Variants in STK32A observed in about 807,000 individuals in gnomAD.
STK32A encodes the protein serine/threonine kinase 32A.
STK32A carries 41 observed loss-of-function variants against 53.2 expected under a neutral mutation model. That is an observed-to-expected ratio of 0.77 (90% CI 0.60 to 1.00). The LOEUF (loss-of-function observed/expected upper bound fraction) is 1.00. Among genes scored for constraint, STK32A ranks in the 50% least tolerant of loss-of-function variants. The pLI is 0.00. For synonymous variants in STK32A, 166 were observed against 162.8 expected, an observed-to-expected ratio of 1.02 and a Z score of -0.15; for missense variants, 458 against 485.8, an observed-to-expected ratio of 0.94 and a Z score of 0.54.
At chr5:147,301,846 TTCATTA>T (rs1178771338) in intron 4 of STK32A, among the ~76,000 whole-genome samples, 1 of 152,112 alleles carries the variant, frequency 6.6e-6, no homozygotes, top group Admixed American at 6.6e-5. Flanking sequence ...GAGAATCTGT[TTCATTA>T]TCTTTTCTAG....
intron 2 of STK32A, among the ~76,000 whole-genome samples, chr5:147,260,284 CTCTCTCGCCTG>C (rs1561675486): frequency 1.2e-4 from 13 of 107,184 alleles, no homozygotes; most frequent in African/African-American, 4.3e-4. Context: ...CTCTGTCTCT[CTCTCTCGCCTG>C]TCTCTCTCTC....
intron 5 of STK32A, among the ~76,000 whole-genome samples, chr5:147,336,453 A>C (rs1311605827): frequency 6.6e-6 from 1 of 152,016 alleles, no homozygotes; most frequent in African/African-American, 2.4e-5. Context: ...TGAAAGGATG[A>C]CTGTGCTGTT....
intron 6 of STK32A, among the ~76,000 whole-genome samples, chr5:147,344,779 C>T: frequency 6.6e-6 from 1 of 152,198 alleles, no homozygotes; most frequent in East Asian, 1.9e-4. Context: ...CAGCTGGGTG[C>T]CTTTGTGCAT....
chr5:147,292,391 G>C (rs1038048676), intron 4 of STK32A, among the ~76,000 whole-genome samples: 1 of 152,180 alleles, frequency 6.6e-6, no homozygotes, highest in Non-Finnish European at 1.5e-5. Flanking sequence ...TAAATAAAGA[G>C]TATTCACAAA....
chr5:147,255,947 T>C (rs1223596854), intron 2 of STK32A, among the ~76,000 whole-genome samples: 2 of 152,186 alleles, frequency 1.3e-5, no homozygotes, highest in Non-Finnish European at 2.9e-5. Context: ...GAAAGACCCA[T>C]AAGGGGCTTC....
rs538971750 is a variant in STK32A, at chr5:147,357,200, T to C, written c.563-4317T>C. Among the ~76,000 whole-genome samples the C allele has an allele frequency of 2.8e-4, 43 of 152,294 alleles. No homozygotes were observed. In the South Asian group the frequency reaches 6.6e-3, roughly 23 times the overall value. On this transcript the variant is annotated intron_variant, in intron 7 of 12. Coordinates refer to ENST00000397936, the MANE Select transcript of STK32A (RefSeq NM_001112724.2). ...AGAATTTCTGGTCAAAGCCTTTACA[T>C]GTTAATAGATTTCTGTTCTGAAAAT...
chr5:147,381,211 T>G (rs1757438877), intron 11 of STK32A, among the ~76,000 whole-genome samples: 1 of 152,186 alleles, frequency 6.6e-6, no homozygotes, highest in Non-Finnish European at 1.5e-5. Flanking sequence ...CTTTTAGCAC[T>G]TTGAATATAT....
chr5:147,293,579 T>A (rs868415373), intron 4 of STK32A, among the ~76,000 whole-genome samples: 1 of 150,752 alleles, frequency 6.6e-6, no homozygotes, highest in African/African-American at 2.4e-5. Flanking sequence ...TTACTCAAAA[T>A]ATTTTTACAG....
Position 147,385,484 on chromosome 5 carries a change from G to A in STK32A, c.*1501G>A, listed in dbSNP as rs1330159536. 1 of 152,174 alleles carries A rather than the reference G, an allele frequency of 6.6e-6. No individual in the cohort carries two copies. Among genetic ancestry groups the A allele is most frequent in the African/African-American group, 2.4e-5 (1 of 41,448 alleles). 9.4% of individuals were successfully genotyped at this position (152,174 alleles called of 1,614,324 possible). ...GTGGAATGCCCACACATCCAAGACA[G>A]GCAAGTTCATGGAGACTAAGGGAAC... is the stretch of plus-strand genomic sequence containing the variant. On this transcript the variant is annotated 3_prime_UTR_variant, in exon 13 of 13. Coordinates refer to ENST00000397936, the MANE Select transcript of STK32A (RefSeq NM_001112724.2).
At chr5:147,375,764 T>C (rs1466097102) in intron 11 of STK32A, 1 of 152,312 alleles carries the variant, frequency 6.6e-6, no homozygotes, top group African/African-American at 2.4e-5. Context: ...TCAGGCTGAG[T>C]TAAATTAACT....
At chr5:147,280,305 A>T (rs899981899) in intron 4 of STK32A, among the ~76,000 whole-genome samples, 22 of 151,876 alleles carry the variant, frequency 1.4e-4, no homozygotes, top group African/African-American at 5.1e-4. Context: ...GGGGCAGGGG[A>T]TAAACCAAGC....
intron 4 of STK32A, among the ~76,000 whole-genome samples, chr5:147,312,897 A>G (rs1457418793): frequency 1.3e-5 from 2 of 152,116 alleles, no homozygotes; most frequent in Admixed American, 6.5e-5. Flanking sequence ...CTATACATCT[A>G]TAATGACATT....
chr5:147,284,125 A>T (rs1365568276), intron 4 of STK32A, among the ~76,000 whole-genome samples: 1 of 152,166 alleles, frequency 6.6e-6, no homozygotes, highest in African/African-American at 2.4e-5. Flanking sequence ...AACATACACA[A>T]GTCAATAAAT....
chr5:147,252,153 A>C (rs1754028470), intron 2 of STK32A, among the ~76,000 whole-genome samples: 1 of 152,184 alleles, frequency 6.6e-6, no homozygotes, highest in Non-Finnish European at 1.5e-5. Flanking sequence ...TCTCACCAAA[A>C]ACAAAAACAA....
the STK32A span, among the ~76,000 whole-genome samples, chr5:147,395,147 C>T: frequency 4.6e-5 from 7 of 152,320 alleles, no homozygotes; most frequent in South Asian, 8.3e-4. Context: ...GGTTAGAAGA[C>T]GCTACTGCAA....
intron 11 of STK32A, among the ~76,000 whole-genome samples, chr5:147,379,212 G>T (rs1422257644): frequency 6.6e-6 from 1 of 151,530 alleles, no homozygotes; most frequent in African/African-American, 2.4e-5. Flanking sequence ...TTCATGATTT[G>T]TCTCTCTGCT....
At position 147,387,454 on chromosome 5, in the gene STK32A, G is replaced by A. The variant is rs1757703061; in HGVS notation, c.*3471G>A. The A allele has an allele frequency of 6.6e-6, 1 of 152,222 alleles. No homozygotes were observed. The highest frequency in any genetic ancestry group is 2.4e-5 in the African/African-American group (1 of 41,448). The allele number at this position is 152,222 out of a possible 1,614,324, so 9.4% of individuals were successfully genotyped here. On this transcript the variant is annotated 3_prime_UTR_variant, in exon 13 of 13. Transcript: ENST00000397936. ...CTATTATCATAGCTTTTGTAGATTG[G>A]ATGGAAGAATAAGTAGGAAGAAAGA...
chr5:147,359,861 C>G (rs1756414966), intron 7 of STK32A, among the ~76,000 whole-genome samples: 1 of 152,174 alleles, frequency 6.6e-6, no homozygotes, highest in South Asian at 2.1e-4. Flanking sequence ...GATGTAAACA[C>G]TCTACCTCTC....
At chr5:147,257,226 C>T (rs2151944848) in intron 2 of STK32A, among the ~76,000 whole-genome samples, 1 of 150,858 alleles carries the variant, frequency 6.6e-6, no homozygotes, top group Non-Finnish European at 1.5e-5. Context: ...GGACCAACTA[C>T]AGCATAAAAG....
Sources: gnomAD v4.1 joint callset for allele counts (sites outside exome capture counted in the v4.1 genomes callset) on GRCh38, gnomAD v4.1.1 for gene constraint, MANE v1.5 for transcripts, NCBI Gene and HGNC (gene_info 2026-07-23, HGNC 2026-07-21) for gene names.